Variants in DNAJC24 observed in about 807,000 individuals in gnomAD.
DNAJC24 encodes dnaJ homolog subfamily C member 24.
Under a neutral mutation model 18.0 loss-of-function variants are expected in DNAJC24, and 17 were observed. The ratio of observed to expected loss-of-function variants is 0.94; its 90% CI spans 0.65 to 1.42. DNAJC24 has a LOEUF of 1.42. DNAJC24 is among the 40% of genes most tolerant of loss of function. The pLI is 0.00. For missense variants in DNAJC24, 158 were observed against 175.6 expected (o/e 0.90, Z 0.57); for synonymous variants, 55 against 57.7 (o/e 0.95, Z 0.21).
rs192697507 is a variant in DNAJC24 at position 31,400,079 on chromosome 11, A to G, written c.112-14732A>G. On this transcript the variant is annotated intron_variant, in intron 2 of 4. Coordinates refer to ENST00000465995, the MANE Select transcript of DNAJC24 (RefSeq NM_181706.5). The stretch of plus-strand genomic sequence containing the variant: ...TTCCAGCTTCATCCATGTCCCTGCA[A>G]AGGACATGATCTCACTCTTTTTTAT... 3.0e-3 allele frequency among the ~76,000 whole-genome samples: 450 copies of G among 152,244 alleles called. 2 individuals carry two copies. The highest frequency in any genetic ancestry group is 1.0e-2 in the African/African-American group (414 of 41,538).
chr11:31,397,100 C>A (rs1952549845), intron 2 of DNAJC24, among the ~76,000 whole-genome samples: 1 of 152,192 alleles, frequency 6.6e-6, no homozygotes, highest in South Asian at 2.1e-4. Flanking sequence ...TCATCTTATT[C>A]ATGCATCTAT....
chr11:31,370,806 C>A lies in DNAJC24; in HGVS notation c.58C>A (p.Pro20Thr). 6.2e-7 allele frequency: 1 copy of A among 1,612,968 alleles called. No individual in the cohort carries two copies. The highest frequency in any genetic ancestry group is 8.5e-7 in the Non-Finnish European group (1 of 1,179,596). The change falls in exon 2 of 5, where the codon CCA becomes ACA. Residue 20 changes from proline (P) to threonine (T), a missense_variant. Coordinates refer to ENST00000465995, the MANE Select transcript of DNAJC24 (RefSeq NM_181706.5). ...TTGGTACAGCATCCTGGGAGCAGAC[C>A]CATCTGCAAATATATCAGACCTAAA... is the stretch of plus-strand genomic sequence containing the variant. ...KDWYSILGAD[P>T]SANISDLKQK...
chr11:31,430,473 T>TTCCTTGAATGGA lies in DNAJC24; in HGVS notation c.*72_*73insTCCTTGAATGGA. The stretch of plus-strand genomic sequence containing the variant: ...TGAGAAGCCGTTGAGCTTTGTCCAT[T>TTCCTTGAATGGA]CAAGGAAATGGATTATTTGTCAGCC... On this transcript the variant is annotated 3_prime_UTR_variant, in exon 5 of 5. Transcript: ENST00000465995. 2 of 1,363,098 alleles carry TTCCTTGAATGGA rather than the reference T, an allele frequency of 1.5e-6. No individual in the cohort carries two copies. The highest frequency in any genetic ancestry group is 2.0e-6 in the Non-Finnish European group (2 of 1,018,684). The allele number at this position is 1,363,098 out of a possible 1,614,324, so 84.4% of individuals were successfully genotyped here. A position where few individuals can be genotyped will look rare whatever the true frequency, so the allele number is the denominator to read the frequency against.
intron 4 of DNAJC24, among the ~76,000 whole-genome samples, chr11:31,428,593 G>A (rs1249940237): frequency 6.6e-6 from 1 of 152,100 alleles, no homozygotes; most frequent in Non-Finnish European, 1.5e-5. Context: ...AACCCTACAG[G>A]ATAGACATAG....
chr11:31,385,365 A>C (rs975723840), intron 2 of DNAJC24, among the ~76,000 whole-genome samples: 9 of 152,202 alleles, frequency 5.9e-5, no homozygotes, highest in African/African-American at 1.9e-4. Flanking sequence ...GACTATCTAG[A>C]TGTCCCTGAC....
At chr11:31,413,617 C>T (rs770114025) in intron 2 of DNAJC24, among the ~76,000 whole-genome samples, 18 of 152,096 alleles carry the variant, frequency 1.2e-4, no homozygotes, top group Non-Finnish European at 1.9e-4. Context: ...CAAGCGTGAG[C>T]CACTGCACCC....
At chr11:31,393,955 G>A (rs750496350) in intron 2 of DNAJC24, among the ~76,000 whole-genome samples, 9 of 152,094 alleles carry the variant, frequency 5.9e-5, no homozygotes, top group Non-Finnish European at 1.3e-4. Context: ...GCTCACAACA[G>A]TTTCCTCAAG....
chr11:31,388,086 A>T (rs1952448187), intron 2 of DNAJC24, among the ~76,000 whole-genome samples: 3 of 152,016 alleles, frequency 2.0e-5, no homozygotes, highest in African/African-American at 4.8e-5. Flanking sequence ...AAAAAAAAAT[A>T]AAAAAAGAAG....
intron 2 of DNAJC24, among the ~76,000 whole-genome samples, chr11:31,408,897 TTGTA>T (rs1952679529): frequency 6.6e-6 from 1 of 152,172 alleles, no homozygotes; most frequent in Non-Finnish European, 1.5e-5. Flanking sequence ...ATAGATGTCT[TTGTA>T]TAATAAAGAA....
At chr11:31,407,699 AAAAAAAAAT>A (rs1400710862) in intron 2 of DNAJC24, among the ~76,000 whole-genome samples, 9 of 124,478 alleles carry the variant, frequency 7.2e-5, no homozygotes, top group East Asian at 4.1e-4. Context: ...AAAAAAAAAA[AAAAAAAAAT>A]ATATATATAT....
intron 4 of DNAJC24, chr11:31,429,641 C>G (rs1056734054): frequency 4.2e-6 from 1 of 235,400 alleles, no homozygotes; most frequent in African/African-American, 2.2e-5. Context: ...GGGCATCTCA[C>G]TTCAGCATCT....
chr11:31,406,630 C>T (rs1284464503), intron 2 of DNAJC24, among the ~76,000 whole-genome samples: 1 of 152,062 alleles, frequency 6.6e-6, no homozygotes, highest in African/African-American at 2.4e-5. Flanking sequence ...TTAGTTGGCC[C>T]TTTAAAATTT....
chr11:31,388,708 A>G (rs1952456754), intron 2 of DNAJC24, among the ~76,000 whole-genome samples: 1 of 152,222 alleles, frequency 6.6e-6, no homozygotes, highest in Non-Finnish European at 1.5e-5. Flanking sequence ...AAGTACACAG[A>G]AAAACTCATA....
chr11:31,397,019 A>T (rs1952548913), intron 2 of DNAJC24, among the ~76,000 whole-genome samples: 1 of 152,220 alleles, frequency 6.6e-6, no homozygotes, highest in African/African-American at 2.4e-5. Flanking sequence ...GCATCCTTCA[A>T]AACCTAGTCA....
At chr11:31,413,503 T>C (rs540187924) in intron 2 of DNAJC24, among the ~76,000 whole-genome samples, 3 of 152,012 alleles carry the variant, frequency 2.0e-5, no homozygotes, top group South Asian at 4.2e-4. Context: ...GCCAATATTT[T>C]TGTACTTTTT....
At chr11:31,376,142 T>C (rs1283872066) in intron 2 of DNAJC24, among the ~76,000 whole-genome samples, 3 of 152,212 alleles carry the variant, frequency 2.0e-5, no homozygotes, top group Non-Finnish European at 4.4e-5. Context: ...GGTTTCCCCT[T>C]TCGCTTGGCT....
chr11:31,381,763 G>A (rs1952378772), intron 2 of DNAJC24, among the ~76,000 whole-genome samples: 1 of 151,864 alleles, frequency 6.6e-6, no homozygotes, highest in Non-Finnish European at 1.5e-5. Context: ...TTTTAGTAGA[G>A]ACGGGGTTTC....
chr11:31,377,337 T>G (rs901813672), intron 2 of DNAJC24, among the ~76,000 whole-genome samples: 1 of 152,096 alleles, frequency 6.6e-6, no homozygotes, highest in Non-Finnish European at 1.5e-5. Context: ...GAAAAAATTC[T>G]TACTAATTGA....
chr11:31,423,320 G>A (rs1952827529), intron 3 of DNAJC24, among the ~76,000 whole-genome samples: 1 of 152,144 alleles, frequency 6.6e-6, no homozygotes, highest in Non-Finnish European at 1.5e-5. Flanking sequence ...GAGTGCAATG[G>A]CGGGATCTCG....
Sources: gnomAD v4.1 joint callset for allele counts (sites outside exome capture counted in the v4.1 genomes callset) on GRCh38, gnomAD v4.1.1 for gene constraint, MANE v1.5 for transcripts, NCBI Gene and HGNC (gene_info 2026-07-23, HGNC 2026-07-21) for gene names.